RPA3: variants seen among roughly 807,000 people sequenced by gnomAD.
RPA3 encodes the protein replication protein A3, also known as replication protein A 14 kDa subunit.
A neutral mutation model predicts 13.7 loss-of-function variants in RPA3; 24 were observed. The ratio of observed to expected loss-of-function variants is 1.75; its 90% CI spans 1.27 to 2.46. RPA3 has a LOEUF of 2.46. Ranked by LOEUF, RPA3 falls within the 30% of genes most tolerant of loss-of-function variation. RPA3 has a pLI of 0.00. For missense variants in RPA3, 183 were observed against 151.0 expected, an observed-to-expected ratio of 1.21 and a Z score of -1.11; for synonymous variants, 59 against 51.2, an observed-to-expected ratio of 1.15 and a Z score of -0.65.
chr7:7,653,424 C>T (rs1171577658), intron 4 of RPA3, among the ~76,000 whole-genome samples: 1 of 152,178 alleles, frequency 6.6e-6, no homozygotes, highest in African/African-American at 2.4e-5. Context: ...GTAATCTTAT[C>T]TTCTAAACCT....
intron 4 of RPA3, among the ~76,000 whole-genome samples, chr7:7,649,860 T>G (rs1222231492): frequency 6.6e-6 from 1 of 152,026 alleles, no homozygotes; most frequent in African/African-American, 2.4e-5. Context: ...TATAAAAGAG[T>G]CAGAGAGATC....
chr7:7,639,047 G>A, intron 6 of RPA3, 23 bp downstream of exon 6: 1 of 1,557,416 alleles, frequency 6.4e-7, no homozygotes, highest in Non-Finnish European at 8.7e-7. Context: ...ATATATAAGA[G>A]ACTTATTAAC....
chr7:7,642,484 A>T (rs200408677), intron 4 of RPA3, among the ~76,000 whole-genome samples: 1 of 149,162 alleles, frequency 6.7e-6, no homozygotes, highest in East Asian at 2.2e-4. Context: ...TTTTTTTTTT[A>T]AAGAGCACTC....
In RPA3 at chr7:7,640,739, G is replaced by T. The variant is rs983351757; in HGVS notation, c.-321C>A. 1.1e-5 allele frequency: 3 copies of T among 278,998 alleles called. No homozygotes were observed. Among genetic ancestry groups the T allele is most frequent in the African/African-American group, 4.5e-5 (2 of 44,696 alleles). 17.3% of individuals were successfully genotyped at this position (278,998 alleles called of 1,614,324 possible). A position where few individuals can be genotyped will look rare whatever the true frequency, so the allele number is the denominator to read the frequency against. Reference sequence around the variant, plus strand: ...TGAGACTACCTTTCTGCGATCACAGGATTCCCGGCGGTGACTTGACCCCGG... The same window carrying T: ...TGAGACTACCTTTCTGCGATCACAGTATTCCCGGCGGTGACTTGACCCCGG... On this transcript the variant is annotated 5_prime_UTR_variant, in exon 5 of 8. Coordinates refer to ENST00000223129, the MANE Select transcript of RPA3 (RefSeq NM_002947.5).
chr7:7,684,688 T>A (rs1563120406), intron 4 of RPA3, among the ~76,000 whole-genome samples: 1 of 152,238 alleles, frequency 6.6e-6, no homozygotes, highest in Non-Finnish European at 1.5e-5. Flanking sequence ...TTCCAACTGA[T>A]CTATGACTCT....
intron 2 of RPA3, among the ~76,000 whole-genome samples, chr7:7,699,377 A>G (rs1276481513): frequency 1.3e-5 from 2 of 152,228 alleles, no homozygotes; most frequent in Non-Finnish European, 2.9e-5. Context: ...AAAATTTAAT[A>G]TCCTTAGTTC....
chr7:7,640,260 C>T (rs1459784384), intron 5 of RPA3, 60 bp downstream of exon 5: 2 of 1,542,252 alleles, frequency 1.3e-6, no homozygotes, highest in Non-Finnish European at 1.8e-6. Context: ...CCCCGTTATC[C>T]AGGCGGGGTC....
chr7:7,668,190 G>A (rs1779517596), intron 4 of RPA3, among the ~76,000 whole-genome samples: 1 of 152,082 alleles, frequency 6.6e-6, no homozygotes. Flanking sequence ...TGGGATTACA[G>A]GTGTAAGCCA....
Position 7,636,976 on chromosome 7 carries a change from C to G in RPA3, c.*24G>C. The G allele has an allele frequency of 6.5e-7, 1 of 1,530,312 alleles. No individual in the cohort carries two copies. The highest frequency in any genetic ancestry group is 9.0e-7 in the Non-Finnish European group (1 of 1,105,700). 94.8% of individuals were successfully genotyped at this position (1,530,312 alleles called of 1,614,324 possible). ...AATAGACTTTAATATAGCTCATTTACAATCGTATGAAAATCCATCAAGATC... is the reference window on the plus strand; with the variant it reads ...AATAGACTTTAATATAGCTCATTTAGAATCGTATGAAAATCCATCAAGATC... On this transcript the variant is annotated 3_prime_UTR_variant, in exon 8 of 8. Coordinates refer to ENST00000223129, the MANE Select transcript of RPA3 (RefSeq NM_002947.5).
At chr7:7,689,792 G>A (rs1458580559) in intron 2 of RPA3, among the ~76,000 whole-genome samples, 1 of 152,060 alleles carries the variant, frequency 6.6e-6, no homozygotes, top group African/African-American at 2.4e-5. Context: ...CATTTTGAAT[G>A]GTATACTCAC....
At position 7,698,863 on chromosome 7, in the gene RPA3, C is replaced by A. The variant is rs563632693; in HGVS notation, c.-1027-11535G>T. On this transcript the variant is annotated intron_variant, in intron 2 of 7. Coordinates refer to ENST00000223129, the MANE Select transcript of RPA3 (RefSeq NM_002947.5). ...TGGATTTCGTTTCCACCAACTCACC[C>A]TCTTGTCTTTTTTTTTTTTTTTTTT... 7.3e-5 allele frequency among the ~76,000 whole-genome samples: 11 copies of A among 150,708 alleles called. No homozygotes were observed. In the South Asian group the frequency reaches 2.3e-3, roughly 32 times the overall value.
intron 4 of RPA3, among the ~76,000 whole-genome samples, chr7:7,657,878 A>G (rs1335912874): frequency 6.6e-6 from 1 of 152,224 alleles, no homozygotes; most frequent in Non-Finnish European, 1.5e-5. Flanking sequence ...TGGGGATAGC[A>G]TTGAATCTGT....
intron 2 of RPA3, among the ~76,000 whole-genome samples, chr7:7,700,832 G>T (rs1490383054): frequency 1.3e-5 from 2 of 152,106 alleles, no homozygotes. Context: ...AGGTTGCAGT[G>T]AGCTGAGAAT....
At chr7:7,658,039 G>A (rs971165911) in intron 4 of RPA3, among the ~76,000 whole-genome samples, 2 of 152,174 alleles carry the variant, frequency 1.3e-5, no homozygotes, top group Non-Finnish European at 2.9e-5. Flanking sequence ...TCCCTTGTAA[G>A]TTGGATTCCT....
At chr7:7,642,241 C>T (rs1784990535) in intron 4 of RPA3, among the ~76,000 whole-genome samples, 1 of 150,020 alleles carries the variant, frequency 6.7e-6, no homozygotes, top group African/African-American at 2.5e-5. Context: ...CTTAAGCGAT[C>T]CTCTCACCTC....
intron 4 of RPA3, among the ~76,000 whole-genome samples, chr7:7,665,997 A>G (rs988669257): frequency 6.6e-6 from 1 of 152,126 alleles, no homozygotes; most frequent in Non-Finnish European, 1.5e-5. Flanking sequence ...CAACATTTGT[A>G]TACAAGTGTG....
intron 4 of RPA3, among the ~76,000 whole-genome samples, chr7:7,678,579 A>C (rs1779815227): frequency 7.3e-6 from 1 of 136,368 alleles, no homozygotes; most frequent in African/African-American, 2.7e-5. Context: ...TTTATAGATA[A>C]ATATATATTT....
chr7:7,698,323 T>G (rs1780365531), intron 2 of RPA3, among the ~76,000 whole-genome samples: 1 of 152,174 alleles, frequency 6.6e-6, no homozygotes, highest in South Asian at 2.1e-4. Flanking sequence ...TTTTAGTGCT[T>G]TTTAAAATAA....
chr7:7,692,839 C>T (rs546714922), intron 2 of RPA3, among the ~76,000 whole-genome samples: 86 of 152,266 alleles, frequency 5.6e-4, no homozygotes, highest in African/African-American at 1.9e-3. Context: ...GATCTCTTGA[C>T]CTCGTGATCT....
Sources: allele counts gnomAD v4.1 joint callset (sites outside exome capture counted in the v4.1 genomes callset), GRCh38; gene constraint gnomAD v4.1.1; transcripts MANE v1.5; gene names NCBI Gene and HGNC (gene_info 2026-07-23, HGNC 2026-07-21).